ZSWIM5: variants seen among roughly 807,000 people sequenced by gnomAD.
ZSWIM5 encodes the protein zinc finger SWIM domain-containing protein 5.
In ZSWIM5, 55 loss-of-function variants were observed where a neutral mutation model predicts 119.6. The ratio of observed to expected loss-of-function variants is 0.46; its 90% CI spans 0.37 to 0.58. The LOEUF (loss-of-function observed/expected upper bound fraction) is 0.58, where lower values mean the gene tolerates loss of function less well. Among genes scored for constraint, ZSWIM5 ranks in the 20% least tolerant of loss-of-function variants. ZSWIM5 has a pLI of 0.00. For synonymous variants in ZSWIM5, 537 were observed against 606.9 expected (o/e 0.88, Z 1.69); for missense variants, 1,193 against 1,512.8 (o/e 0.79, Z 3.51).
chr1:45,197,648 CAA>C (rs1012614542), intron 1 of ZSWIM5, among the ~76,000 whole-genome samples: 173 of 152,194 alleles, frequency 1.1e-3, no homozygotes, highest in African/African-American at 4.0e-3. Flanking sequence ...TGAGGGTCTT[CAA>C]AAAGTTTGTG....
intron 1 of ZSWIM5, among the ~76,000 whole-genome samples, chr1:45,117,105 A>C (rs1262397203): frequency 6.6e-6 from 1 of 152,204 alleles, no homozygotes; most frequent in African/African-American, 2.4e-5. Flanking sequence ...GGAAGCTCAA[A>C]AGACAGAAAA....
rs180710146 is a variant in ZSWIM5 at position 45,027,437 on chromosome 1, G to A, written c.2450-6649C>T. ...TTTTGAGGCAGAGTCTCGCTCTGTC[G>A]CCTAAGCTGGAGTGCAGTGGCACGA... On this transcript the variant is annotated intron_variant, in intron 11 of 13. Transcript: ENST00000359600. Among the ~76,000 whole-genome samples, 430 of 151,412 alleles carry A rather than the reference G, an allele frequency of 2.8e-3. 2 individuals carry two copies. The highest frequency in any genetic ancestry group is 5.1e-3 in the Non-Finnish European group (347 of 67,868).
At chr1:45,134,080 T>A (rs1645675210) in intron 1 of ZSWIM5, among the ~76,000 whole-genome samples, 1 of 152,204 alleles carries the variant, frequency 6.6e-6, no homozygotes, top group East Asian at 1.9e-4. Context: ...CTTAGGATTG[T>A]CTTGGCGATG....
At position 45,035,837 on chromosome 1, in the gene ZSWIM5, A is replaced by G. The variant is rs1294435111; in HGVS notation, c.2156-14T>C. The G allele has an allele frequency of 6.2e-7, 1 of 1,611,954 alleles. No individual in the cohort carries two copies. Among genetic ancestry groups the G allele is most frequent in the South Asian group, 1.1e-5 (1 of 91,016 alleles). ...TGAAAGGACCTCCTGGAGGAAGATA[A>G]GCCAGCCAGTTATTTATCTGTATGC... On this transcript the variant is annotated splice_polypyrimidine_tract_variant and intron_variant, in intron 9 of 13. Coordinates refer to ENST00000359600, the MANE Select transcript of ZSWIM5 (RefSeq NM_020883.2).
rs779839423 is a variant in ZSWIM5, at chr1:45,040,300, C to T, written c.1756+92G>A. Reference sequence around the variant, plus strand: ...ATTCCACACAGCAAGGAGAATGACCCGGAATTCCCTAGTTCTTCTGGGCCT... The same window carrying T: ...ATTCCACACAGCAAGGAGAATGACCTGGAATTCCCTAGTTCTTCTGGGCCT... On this transcript the variant is annotated intron_variant, in intron 7 of 13. Transcript: ENST00000359600. 8.2e-6 allele frequency: 11 copies of T among 1,337,564 alleles called. No homozygotes were observed. In the South Asian group the frequency reaches 9.2e-5, roughly 11 times the overall value. 82.9% of individuals were successfully genotyped at this position (1,337,564 alleles called of 1,614,324 possible).
chr1:45,047,171 AGTCAAAT>A (rs1645061215), intron 5 of ZSWIM5, among the ~76,000 whole-genome samples: 1 of 152,206 alleles, frequency 6.6e-6, no homozygotes, highest in Non-Finnish European at 1.5e-5. Context: ...GTTTCTTGGA[AGTCAAAT>A]GACAAAGTTT....
chr1:45,117,928 T>C (rs1645568506), intron 1 of ZSWIM5, among the ~76,000 whole-genome samples: 1 of 152,220 alleles, frequency 6.6e-6, no homozygotes, highest in Admixed American at 6.5e-5. Flanking sequence ...CATCTGAAAA[T>C]AGGTCATATA....
intron 1 of ZSWIM5, among the ~76,000 whole-genome samples, chr1:45,192,224 C>G (rs957931113): frequency 1.3e-5 from 2 of 152,308 alleles, no homozygotes; most frequent in Admixed American, 1.3e-4. Context: ...TCCTACCTAT[C>G]TCCAGAATTT....
chr1:45,028,581 C>T (rs1057056980), intron 11 of ZSWIM5, among the ~76,000 whole-genome samples: 2 of 151,884 alleles, frequency 1.3e-5, no homozygotes, highest in Non-Finnish European at 2.9e-5. Context: ...CATGGCAAAA[C>T]CCCATCTCTA....
chr1:45,099,789 A>C (rs1570096728), intron 1 of ZSWIM5, among the ~76,000 whole-genome samples: 1 of 152,170 alleles, frequency 6.6e-6, no homozygotes, highest in East Asian at 1.9e-4. Context: ...CAGAACCAAC[A>C]ACAAAACCCA....
At chr1:45,095,817 C>T (rs559892705) in intron 1 of ZSWIM5, among the ~76,000 whole-genome samples, 8 of 152,120 alleles carry the variant, frequency 5.3e-5, no homozygotes, top group South Asian at 2.1e-4. Flanking sequence ...TTTCATCAGG[C>T]GTGAATTTAT....
chr1:45,084,110 A>G (rs757172309), intron 2 of ZSWIM5, among the ~76,000 whole-genome samples: 3 of 152,098 alleles, frequency 2.0e-5, no homozygotes, highest in Admixed American at 6.5e-5. Flanking sequence ...GGGTTTTGCC[A>G]TGTTTCCCGG....
At chr1:45,104,513 A>G (rs946540516) in intron 1 of ZSWIM5, among the ~76,000 whole-genome samples, 10 of 152,234 alleles carry the variant, frequency 6.6e-5, no homozygotes, top group African/African-American at 2.4e-4. Flanking sequence ...ATATCATTCA[A>G]TAGCAATCCC....
intron 2 of ZSWIM5, among the ~76,000 whole-genome samples, chr1:45,078,968 G>A (rs1645271809): frequency 6.6e-6 from 1 of 152,200 alleles, no homozygotes; most frequent in African/African-American, 2.4e-5. Context: ...AGGTCCAGAT[G>A]GCCCGAAGCA....
At position 45,036,256 on chromosome 1, in the gene ZSWIM5, C is replaced by T. The variant is rs1259179958; in HGVS notation, c.1938G>A (p.Val646=). 3 of 1,613,898 alleles carry T rather than the reference C, an allele frequency of 1.9e-6. No individual in the cohort carries two copies. The African/African-American group carries it at 4.0e-5, about 22-fold the overall frequency. The change falls in exon 9 of 14, where the codon GTG becomes GTA. Residue 646 remains valine, a synonymous_variant. Coordinates refer to ENST00000359600, the MANE Select transcript of ZSWIM5 (RefSeq NM_020883.2). The part of the protein sequence containing the change: ...SRPPVYQHVP[V]AAGSPNSSES... Reference sequence around the variant, plus strand: ...CACTGCTGTTTGGGGAGCCTGCAGCCACAGGTACATGCTGGTACACAGGGG... The same window carrying T: ...CACTGCTGTTTGGGGAGCCTGCAGCTACAGGTACATGCTGGTACACAGGGG...
chr1:45,126,529 A>G (rs1645623007), intron 1 of ZSWIM5, among the ~76,000 whole-genome samples: 1 of 152,184 alleles, frequency 6.6e-6, no homozygotes, highest in African/African-American at 2.4e-5. Context: ...TATCAAGAAA[A>G]TTGAATCCAT....
chr1:45,074,700 G>A (rs1212326248), intron 2 of ZSWIM5, among the ~76,000 whole-genome samples: 4 of 150,558 alleles, frequency 2.7e-5, no homozygotes, highest in Non-Finnish European at 5.9e-5. Context: ...TTTTTGTATT[G>A]TTTTCATTTC....
intron 1 of ZSWIM5, among the ~76,000 whole-genome samples, chr1:45,126,408 G>A (rs553400377): frequency 1.3e-5 from 2 of 152,046 alleles, no homozygotes; most frequent in South Asian, 2.1e-4. Context: ...ACAACTCTAC[G>A]CACACACATT....
chr1:45,019,167 A>T lies in ZSWIM5; in HGVS notation c.2845T>A (p.Cys949Ser). 1 of 1,613,802 alleles carries T rather than the reference A, an allele frequency of 6.2e-7. No individual in the cohort carries two copies. The highest frequency in any genetic ancestry group is 8.5e-7 in the Non-Finnish European group (1 of 1,180,012). Residue 949 changes from cysteine to serine, a missense_variant, in exon 14 of 14, where the codon TGT becomes AGT. Coordinates refer to ENST00000359600, the MANE Select transcript of ZSWIM5 (RefSeq NM_020883.2). This position sits in a 1 kb window ranked among gnomAD's most constrained non-coding sequence, Gnocchi z 5.0. ...CACTGTAGAGCCAGTGTGCGAGCAC[A>T]GCTAGCCAGTTCCTCCCGCTGTGGA... ...DYPQREELAS[C>S]ARTLALQCAM...
Sources: gnomAD v4.1 joint callset for allele counts (sites outside exome capture counted in the v4.1 genomes callset) on GRCh38, gnomAD v4.1.1 for gene constraint, Gnocchi (gnomAD v3.1) non-coding constraint, MANE v1.5 for transcripts, NCBI Gene and HGNC (gene_info 2026-07-23, HGNC 2026-07-21) for gene names.